The following SDF2 variants were observed in gnomAD, a reference collection of about 807,000 sequenced individuals.
The protein encoded by SDF2 is stromal cell derived factor 2, also known as stromal cell-derived factor 2.
Under a neutral mutation model 20.5 loss-of-function variants are expected in SDF2, and 12 were observed. The observed-to-expected ratio is 0.58, with a 90% CI of 0.37 to 0.95. The LOEUF (loss-of-function observed/expected upper bound fraction) is 0.95, where lower values mean the gene tolerates loss of function less well. Among genes scored for constraint, SDF2 ranks in the 40% least tolerant of loss-of-function variants. SDF2 has a pLI of 0.01. For missense variants in SDF2, 238 were observed against 263.1 expected (o/e 0.90, Z 0.66); for synonymous variants, 100 against 101.0 (o/e 0.99, Z 0.06).
At chr17:28,660,121 C>T (rs1448013136) in intron 1 of SDF2, among the ~76,000 whole-genome samples, 1 of 152,200 alleles carries the variant, frequency 6.6e-6, no homozygotes, top group African/African-American at 2.4e-5. Flanking sequence ...TGCCTGCAAT[C>T]CCAGGCACTC....
At chr17:28,656,930 T>C (rs1022464686) in intron 1 of SDF2, among the ~76,000 whole-genome samples, 3 of 152,182 alleles carry the variant, frequency 2.0e-5, no homozygotes, top group African/African-American at 7.2e-5. Context: ...GGTCAATTAT[T>C]ATAAACGTAT....
At chr17:28,649,780 G>A (rs1301879418) in intron 2 of SDF2, among the ~76,000 whole-genome samples, 1 of 149,174 alleles carries the variant, frequency 6.7e-6, no homozygotes, top group African/African-American at 2.5e-5. Context: ...TGGGCATGGT[G>A]GCACATGCCT....
intron 1 of SDF2, 28 bp downstream of exon 1, chr17:28,661,698 C>T (rs750259003): frequency 3.7e-6 from 6 of 1,601,808 alleles, no homozygotes; most frequent in South Asian, 3.3e-5. Context: ...TCCTCCCTAG[C>T]CCACCCGAGC....
At chr17:28,650,663 G>T (rs531635374) in intron 2 of SDF2, among the ~76,000 whole-genome samples, 4 of 151,870 alleles carry the variant, frequency 2.6e-5, no homozygotes, top group African/African-American at 9.7e-5. Flanking sequence ...GCAGGCGCCT[G>T]TAATCCCAGC....
chr17:28,650,383 A>T (rs1195027840), intron 2 of SDF2, among the ~76,000 whole-genome samples: 2 of 150,136 alleles, frequency 1.3e-5, no homozygotes, highest in African/African-American at 4.9e-5. Flanking sequence ...AAAAGAAAGG[A>T]AAAAAAAAAG....
rs909250344 is a variant in SDF2, at chr17:28,649,226, C to A, written c.399G>T (p.Trp133Cys). 6.2e-7 allele frequency: 1 copy of A among 1,614,196 alleles called. No homozygotes were observed. Among genetic ancestry groups the A allele is most frequent in the Non-Finnish European group, 8.5e-7 (1 of 1,180,026 alleles). The part of the protein sequence containing the change: ...EEGEGDYLDD[W>C]TVLCNGPYWV... ...AGTAGGGTCCATTACAGAGCACTGT[C>A]CAGTCATCCAGATAATCACCTTCAC... The change falls in exon 3 of 3, where the codon TGG (tryptophan) becomes TGT (cysteine). Residue 133 changes from tryptophan to cysteine, a missense_variant. Physicochemically the swap from Trp to Cys is radical, Grantham distance 215 (BLOSUM62 -2). Coordinates refer to ENST00000247020, the MANE Select transcript of SDF2 (RefSeq NM_006923.4).
rs533136410 is a variant in SDF2 at position 28,650,566 on chromosome 17, G to A, written c.349-1290C>T. On this transcript the variant is annotated intron_variant, in intron 2 of 2. Coordinates refer to ENST00000247020, the MANE Select transcript of SDF2 (RefSeq NM_006923.4). Reference sequence around the variant, plus strand: ...TTTGGGAGGGCGAGGCGGGCAGATCGCCTGAGGTCAGGAGTTCAAGACCAG... The same window carrying A: ...TTTGGGAGGGCGAGGCGGGCAGATCACCTGAGGTCAGGAGTTCAAGACCAG... 5.3e-5 allele frequency among the ~76,000 whole-genome samples: 8 copies of A among 151,402 alleles called. No individual in the cohort carries two copies. The South Asian group carries it at 8.4e-4, about 16-fold the overall frequency.
chr17:28,662,141 G>C, upstream of SDF2: 1 of 383,642 alleles, frequency 2.6e-6, no homozygotes, highest in South Asian at 4.1e-5. Context: ...TTCCGAGAGC[G>C]GGAGAGAGAA....
chr17:28,649,626 C>T (rs113640636), intron 2 of SDF2, among the ~76,000 whole-genome samples: 5 of 150,398 alleles, frequency 3.3e-5, no homozygotes, highest in South Asian at 2.1e-4. Context: ...CCCAGCTACT[C>T]GGGAGGCTGA....
chr17:28,650,839 G>A (rs1229760362), intron 2 of SDF2, among the ~76,000 whole-genome samples: 3 of 150,166 alleles, frequency 2.0e-5, no homozygotes, highest in South Asian at 2.1e-4. Flanking sequence ...AAACAGTTAG[G>A]GTATCTTGCT....
intron 2 of SDF2, chr17:28,651,477 C>G (rs1241531071): frequency 2.0e-5 from 3 of 152,232 alleles, no homozygotes; most frequent in Non-Finnish European, 4.4e-5. Flanking sequence ...CTCTGGGAGT[C>G]AGGCTGACCT....
chr17:28,653,773 T>C lies in SDF2; in HGVS notation c.348+1514A>G, dbSNP rs372840989. ...GTTGCAGTGAGCTGAGATCGCGCCA[T>C]AGCACTCCAGCCTGGGACAGAGCGA... On this transcript the variant is annotated intron_variant, in intron 2 of 2. Transcript: ENST00000247020. Among the ~76,000 whole-genome samples, 26 of 152,002 alleles carry C rather than the reference T, an allele frequency of 1.7e-4. No homozygotes were observed. In the East Asian group the frequency reaches 2.9e-3, roughly 17 times the overall value.
intron 1 of SDF2, among the ~76,000 whole-genome samples, chr17:28,661,381 C>T (rs1183801826): frequency 6.6e-6 from 1 of 152,226 alleles, no homozygotes; most frequent in Non-Finnish European, 1.5e-5. Context: ...AGAACCCCGA[C>T]TTTGTCATTT....
At chr17:28,658,102 TC>T (rs940436156) in intron 1 of SDF2, among the ~76,000 whole-genome samples, 75 of 152,262 alleles carry the variant, frequency 4.9e-4, no homozygotes, top group Middle Eastern at 6.8e-3. Flanking sequence ...GCTCTCTGGG[TC>T]CTCACAGCCA....
At chr17:28,659,128 CAAT>C (rs2071995831) in intron 1 of SDF2, among the ~76,000 whole-genome samples, 1 of 126,280 alleles carries the variant, frequency 7.9e-6, no homozygotes, top group African/African-American at 3.1e-5. Context: ...ACATCCCAGA[CAAT>C]GGGCGGCCGG....
In SDF2 at chr17:28,648,829, G is replaced by C. The variant is rs2071887095; in HGVS notation, c.*160C>G. 3 of 710,648 alleles carry C rather than the reference G, an allele frequency of 4.2e-6. No homozygotes were observed. Among genetic ancestry groups the C allele is most frequent in the Non-Finnish European group, 7.0e-6 (3 of 428,676 alleles). 44.0% of individuals were successfully genotyped at this position (710,648 alleles called of 1,614,324 possible). A position where few individuals can be genotyped will look rare whatever the true frequency, so the allele number is the denominator to read the frequency against. ...GAGAGTGACTAGTTCAAATGTGCAG[G>C]GCTGAAGCTTCCAAACACAGCCACT... On this transcript the variant is annotated 3_prime_UTR_variant, in exon 3 of 3. Coordinates refer to ENST00000247020, the MANE Select transcript of SDF2 (RefSeq NM_006923.4).
At chr17:28,651,898 T>C (rs764309391) in intron 2 of SDF2, among the ~76,000 whole-genome samples, 7 of 152,158 alleles carry the variant, frequency 4.6e-5, no homozygotes, top group Non-Finnish European at 8.8e-5. Context: ...GTTCAATACA[T>C]GGATGGCAGA....
chr17:28,653,672 C>T (rs573073597), intron 2 of SDF2, among the ~76,000 whole-genome samples: 2 of 152,116 alleles, frequency 1.3e-5, no homozygotes, highest in African/African-American at 4.8e-5. Flanking sequence ...ATCAGCCGGG[C>T]GTGGTGGCAG....
At chr17:28,657,077 A>C (rs1468516299) in intron 1 of SDF2, among the ~76,000 whole-genome samples, 1 of 152,052 alleles carries the variant, frequency 6.6e-6, no homozygotes, top group Non-Finnish European at 1.5e-5. Flanking sequence ...AAATATAAAA[A>C]TTAGCTGGGC....
Sources: allele counts gnomAD v4.1 joint callset (sites outside exome capture counted in the v4.1 genomes callset), GRCh38; gene constraint gnomAD v4.1.1; transcripts MANE v1.5; gene names NCBI Gene and HGNC (gene_info 2026-07-23, HGNC 2026-07-21).